Variants in CFAP20DC observed in about 807,000 individuals in gnomAD.
CFAP20DC encodes the protein protein CFAP20DC.
CFAP20DC carries 84 observed loss-of-function variants against 101.7 expected under a neutral mutation model. The observed-to-expected ratio is 0.83, with a 90% CI of 0.69 to 0.99. The LOEUF (loss-of-function observed/expected upper bound fraction) is 0.99. CFAP20DC is among the 50% of genes least tolerant of loss of function. The pLI, the probability that CFAP20DC is intolerant of heterozygous loss-of-function variation, is 0.00. For missense variants in CFAP20DC, 1,007 were observed against 970.3 expected (o/e 1.04, Z -0.50); for synonymous variants, 359 against 351.2 (o/e 1.02, Z -0.25).
At chr3:58,782,777 T>C (rs1575625955) in intron 15 of CFAP20DC, among the ~76,000 whole-genome samples, 1 of 151,928 alleles carries the variant, frequency 6.6e-6, no homozygotes, top group East Asian at 1.9e-4. Flanking sequence ...TATAAACAAA[T>C]GGAAAGACAG....
intron 4 of CFAP20DC, among the ~76,000 whole-genome samples, chr3:59,013,521 GA>G (rs1202213432): frequency 6.6e-6 from 1 of 152,124 alleles, no homozygotes; most frequent in Non-Finnish European, 1.5e-5. Flanking sequence ...ATTACACACA[GA>G]AAGGCTTTTG....
At chr3:58,792,720 T>C (rs922691583) in intron 15 of CFAP20DC, among the ~76,000 whole-genome samples, 11 of 151,700 alleles carry the variant, frequency 7.3e-5, no homozygotes, top group Middle Eastern at 3.2e-3. Context: ...ATAGTTGTTT[T>C]ATTTATAAAT....
chr3:58,918,643 T>TA (rs1015583864), intron 5 of CFAP20DC, among the ~76,000 whole-genome samples: 1 of 152,052 alleles, frequency 6.6e-6, no homozygotes, highest in African/African-American at 2.4e-5. Context: ...TTTTTTTTTT[T>TA]AATCTGTTTG....
intron 4 of CFAP20DC, among the ~76,000 whole-genome samples, chr3:58,938,809 A>T (rs977397682): frequency 6.6e-6 from 1 of 152,176 alleles, no homozygotes; most frequent in Non-Finnish European, 1.5e-5. Flanking sequence ...AAGAATAAAT[A>T]CAGTAAAAAT....
chr3:58,839,570 T>C (rs1159122411), intron 13 of CFAP20DC, among the ~76,000 whole-genome samples: 1 of 152,212 alleles, frequency 6.6e-6, no homozygotes, highest in African/African-American at 2.4e-5. Flanking sequence ...GACTTGCTTC[T>C]ATTTAAAACT....
chr3:58,753,625 G>A (rs1248923208), intron 16 of CFAP20DC, 144 bp downstream of exon 16: 1 of 612,876 alleles, frequency 1.6e-6, no homozygotes, highest in African/African-American at 1.9e-5. Flanking sequence ...TCTAAAAAAT[G>A]AGGCTCAGGT....
Position 58,971,864 on chromosome 3 carries a change from T to TACACACACAC in CFAP20DC, c.279-34112_279-34103dup, listed in dbSNP as rs34030341. 5.4e-3 allele frequency among the ~76,000 whole-genome samples: 773 copies of TACACACACAC among 142,466 alleles called. 2 individuals carry two copies. The highest frequency in any genetic ancestry group is 0.018 in the African/African-American group (722 of 39,472). 93.5% of individuals were successfully genotyped at this position (142,466 alleles called of 152,430 possible). On this transcript the variant is annotated intron_variant, in intron 4 of 16. Transcript: ENST00000482387. This position sits in a 1 kb window ranked among gnomAD's most constrained non-coding sequence, Gnocchi z 4.1. ...CTGTAATATCATACACACGCACACA[T>TACACACACAC]ACACACACACACACACACACACACA...
Position 58,954,552 on chromosome 3 carries a change from C to T in CFAP20DC, c.279-16790G>A, listed in dbSNP as rs150567379. The stretch of plus-strand genomic sequence containing the variant: ...AAATAGCCTGTTTAAATATGTAAAA[C>T]GTTTCGATATATATTATATGGCTGT... On this transcript the variant is annotated intron_variant, in intron 4 of 16. Transcript: ENST00000482387. Among the ~76,000 whole-genome samples, 309 of 152,190 alleles carry T rather than the reference C, an allele frequency of 2.0e-3. 1 individual carries two copies. The highest frequency in any genetic ancestry group is 7.1e-3 in the African/African-American group (295 of 41,522).
Position 58,757,352 on chromosome 3 carries a change from T to C in CFAP20DC, c.2238-3489A>G, listed in dbSNP as rs1157230784. On this transcript the variant is annotated intron_variant, in intron 15 of 16. Transcript: ENST00000482387. Reference sequence around the variant, plus strand: ...ATTTTCATATATTTAAGGGCATGTATGTAATACACATGTGTACATACATAC... The same window carrying C: ...ATTTTCATATATTTAAGGGCATGTACGTAATACACATGTGTACATACATAC... Among the ~76,000 whole-genome samples the C allele has an allele frequency of 2.6e-5, 4 of 151,894 alleles. No individual in the cohort carries two copies. In the South Asian group the frequency reaches 8.3e-4, roughly 32 times the overall value.
chr3:58,950,279 G>A (rs559284617), intron 4 of CFAP20DC, among the ~76,000 whole-genome samples: 7 of 152,264 alleles, frequency 4.6e-5, no homozygotes, highest in African/African-American at 1.4e-4. Context: ...ACAAATGGAA[G>A]AACATTCCAT....
At chr3:58,965,148 A>C (rs1016599076) in intron 4 of CFAP20DC, among the ~76,000 whole-genome samples, 16 of 152,176 alleles carry the variant, frequency 1.1e-4, no homozygotes, top group African/African-American at 3.9e-4. Context: ...CGAGGTTGGC[A>C]TTATGAGCTG....
chr3:59,031,534 G>T (rs998568180), intron 4 of CFAP20DC, among the ~76,000 whole-genome samples: 1 of 152,184 alleles, frequency 6.6e-6, no homozygotes, highest in Non-Finnish European at 1.5e-5. Context: ...AGTGATACGT[G>T]AGTGCATCAA....
chr3:58,812,138 T>A (rs955853368), intron 14 of CFAP20DC, among the ~76,000 whole-genome samples: 4 of 152,236 alleles, frequency 2.6e-5, no homozygotes, highest in Admixed American at 2.6e-4. Context: ...ATTGTGGAAG[T>A]CAGTGTGGCG....
At position 58,913,724 on chromosome 3, in the gene CFAP20DC, G is replaced by C. The variant is rs1187116118; in HGVS notation, c.534C>G (p.Asp178Glu). 6.2e-7 allele frequency: 1 copy of C among 1,613,658 alleles called. No individual in the cohort carries two copies. The change falls in exon 6 of 17, where the codon GAC (aspartate) becomes GAG (glutamate). Residue 178 changes from aspartate to glutamate, a missense_variant. Asp to Glu is a conservative substitution (Grantham distance 45). Coordinates refer to ENST00000482387, the MANE Select transcript of CFAP20DC (RefSeq NM_001394063.1). This position sits in a 1 kb window ranked among gnomAD's most constrained non-coding sequence, Gnocchi z 4.4. ...KIFTLKSKPQ[D>E]TADKDAVYGV... ...TGAACATACCATCCTTATCAGCAGT[G>C]TCTTGTGGCTTTGATTTTAAGGTGA...
At chr3:58,855,848 G>C (rs1433266631) in intron 12 of CFAP20DC, among the ~76,000 whole-genome samples, 1 of 114,516 alleles carries the variant, frequency 8.7e-6, no homozygotes, top group Non-Finnish European at 1.7e-5. Context: ...GGTGGGGGGA[G>C]GGGGGAGGGA....
At chr3:58,960,188 T>C (rs1472336486) in intron 4 of CFAP20DC, among the ~76,000 whole-genome samples, 2 of 152,220 alleles carry the variant, frequency 1.3e-5, no homozygotes, top group Non-Finnish European at 2.9e-5. Context: ...AAAAGGTTTG[T>C]AAATTTTGTC....
intron 14 of CFAP20DC, among the ~76,000 whole-genome samples, chr3:58,815,781 A>T (rs2075075893): frequency 6.7e-6 from 1 of 149,966 alleles, no homozygotes; most frequent in Admixed American, 6.6e-5. Context: ...ACTGGCCATC[A>T]GAGAAATGCA....
At chr3:59,038,275 TA>T (rs2094138486) in intron 4 of CFAP20DC, among the ~76,000 whole-genome samples, 1 of 152,012 alleles carries the variant, frequency 6.6e-6, no homozygotes, top group African/African-American at 2.4e-5. Flanking sequence ...TAACTTAAAG[TA>T]TAATAATAAT....
chr3:58,772,787 C>G (rs1220527019), intron 15 of CFAP20DC, among the ~76,000 whole-genome samples: 1 of 151,890 alleles, frequency 6.6e-6, no homozygotes, highest in Non-Finnish European at 1.5e-5. Context: ...TGTACAAATC[C>G]AAAAAATTTA....
Sources: allele counts gnomAD v4.1 joint callset (sites outside exome capture counted in the v4.1 genomes callset), GRCh38; gene constraint gnomAD v4.1.1; non-coding constraint Gnocchi (gnomAD v3.1); transcripts MANE v1.5; gene names NCBI Gene and HGNC (gene_info 2026-07-23, HGNC 2026-07-21).